ITGA1: variants seen among roughly 807,000 people sequenced by gnomAD.
ITGA1 encodes integrin alpha-1.
Under a neutral mutation model 145.9 loss-of-function variants are expected in ITGA1, and 85 were observed. That is an observed-to-expected ratio of 0.58 (90% CI 0.49 to 0.70). ITGA1 has a LOEUF of 0.70. ITGA1 is among the 30% of genes least tolerant of loss of function. The pLI is 0.00. For missense variants in ITGA1, 1,351 were observed against 1,418.7 expected, an observed-to-expected ratio of 0.95 and a Z score of 0.77; for synonymous variants, 520 against 495.3, an observed-to-expected ratio of 1.05 and a Z score of -0.66.
At chr5:52,814,411 T>C (rs1215123600) in intron 1 of ITGA1, among the ~76,000 whole-genome samples, 1 of 152,160 alleles carries the variant, frequency 6.6e-6, no homozygotes, top group Non-Finnish European at 1.5e-5. Flanking sequence ...GTGCTGGGAT[T>C]ACAGGTGTGA....
intron 17 of ITGA1, among the ~76,000 whole-genome samples, chr5:52,921,994 A>T (rs1046333786): frequency 1.3e-5 from 2 of 152,192 alleles, no homozygotes; most frequent in Admixed American, 1.3e-4. Flanking sequence ...ATCCTTTCCA[A>T]ATAATTTTAC....
chr5:52,807,676 ACT>A (rs1355083753), intron 1 of ITGA1, among the ~76,000 whole-genome samples: 1 of 152,146 alleles, frequency 6.6e-6, no homozygotes, highest in Non-Finnish European at 1.5e-5. Flanking sequence ...AAAATCAGGA[ACT>A]CAATTCTGTG....
At chr5:52,861,032 T>TA (rs1429027783) in intron 2 of ITGA1, among the ~76,000 whole-genome samples, 2 of 152,208 alleles carry the variant, frequency 1.3e-5, no homozygotes, top group Non-Finnish European at 2.9e-5. Flanking sequence ...ATGTGTTTTA[T>TA]AAGTTAATAC....
intron 23 of ITGA1, among the ~76,000 whole-genome samples, chr5:52,935,338 T>G (rs1474290434): frequency 1.3e-5 from 2 of 152,122 alleles, no homozygotes. Context: ...CTTAACAATA[T>G]TATTTATAAT....
chr5:52,856,241 T>C (rs1749509420), intron 2 of ITGA1, among the ~76,000 whole-genome samples: 1 of 152,134 alleles, frequency 6.6e-6, no homozygotes, highest in Non-Finnish European at 1.5e-5. Flanking sequence ...CATTCTCCTG[T>C]CTCCACACTT....
rs773323051 is a variant in ITGA1 at position 52,920,463 on chromosome 5, A to G, written c.2287A>G (p.Met763Val). 6.3e-7 allele frequency: 1 copy of G among 1,595,810 alleles called. No individual in the cohort carries two copies. Among genetic ancestry groups the G allele is most frequent in the South Asian group, 1.1e-5 (1 of 87,352 alleles). ...AGAATGCACTAAGCACTCCTTCTAC[A>G]TGTTGGCAAGTAAATCATATATCGT... ...KSECTKHSFY[M>V]LDKHDFQDSV... is the part of the protein sequence containing the mutation. The change falls in exon 17 of 29, where the codon ATG becomes GTG. Residue 763 changes from methionine (M) to valine (V), a missense_variant. Physicochemically the swap from Met to Val is conservative, Grantham distance 21. Coordinates refer to ENST00000282588, the MANE Select transcript of ITGA1 (RefSeq NM_181501.2).
intron 18 of ITGA1, among the ~76,000 whole-genome samples, chr5:52,923,800 TA>T (rs1420859323): frequency 6.6e-6 from 1 of 152,190 alleles, no homozygotes; most frequent in Non-Finnish European, 1.5e-5. Flanking sequence ...GGTTTAGGTA[TA>T]AAGGGTGTCC....
chr5:52,858,034 TAG>T (rs1352285089), intron 2 of ITGA1, among the ~76,000 whole-genome samples: 1 of 152,230 alleles, frequency 6.6e-6, no homozygotes, highest in Non-Finnish European at 1.5e-5. Context: ...TAAATATTTA[TAG>T]AGTTAGTCCT....
intron 7 of ITGA1, among the ~76,000 whole-genome samples, chr5:52,884,480 T>C (rs1750016481): frequency 6.6e-6 from 1 of 150,674 alleles, no homozygotes; most frequent in Non-Finnish European, 1.5e-5. Flanking sequence ...AATCTACTTG[T>C]ATAGTATGTT....
Position 52,929,679 on chromosome 5 carries a change from A to G in ITGA1, c.2749A>G (p.Thr917Ala), listed in dbSNP as rs752089810. The G allele has an allele frequency of 3.1e-6, 5 of 1,587,808 alleles. No homozygotes were observed. In the African/African-American group the frequency reaches 5.4e-5, roughly 17 times the overall value. ...FNTSYLMENV[T>A]IYLSATSDSE... ...CACATCCTATCTCATGGAAAATGTG[A>G]CCATTTATTTAAGTGCAACAAGGTT... is the stretch of plus-strand genomic sequence containing the variant. Residue 917 changes from threonine (T) to alanine (A), a missense_variant, in exon 21 of 29, where the codon ACC becomes GCC. Thr to Ala is a moderately conservative substitution (Grantham distance 58). Transcript: ENST00000282588.
chr5:52,905,955 C>G (rs745308967), intron 12 of ITGA1, 47 bp downstream of exon 12: 2 of 1,505,246 alleles, frequency 1.3e-6, no homozygotes, highest in Non-Finnish European at 9.1e-7. Flanking sequence ...TATTCATACT[C>G]TATGTATATT....
intron 26 of ITGA1, among the ~76,000 whole-genome samples, chr5:52,943,002 T>A (rs1751077357): frequency 6.6e-6 from 1 of 152,176 alleles, no homozygotes; most frequent in East Asian, 1.9e-4. Context: ...AGGTATAGGA[T>A]CATATTACCA....
At chr5:52,803,022 A>G (rs1195058448) in intron 1 of ITGA1, 1 of 152,226 alleles carries the variant, frequency 6.6e-6, no homozygotes, top group Non-Finnish European at 1.5e-5. Context: ...GCAAACCTCA[A>G]TTTAGCAAAA....
chr5:52,813,922 G>A (rs1289773367), intron 1 of ITGA1, among the ~76,000 whole-genome samples: 1 of 152,154 alleles, frequency 6.6e-6, no homozygotes, highest in Non-Finnish European at 1.5e-5. Flanking sequence ...CCATTGCATT[G>A]GTATTAGGGG....
At chr5:52,822,071 A>AT (rs1264645035) in intron 1 of ITGA1, among the ~76,000 whole-genome samples, 1 of 152,234 alleles carries the variant, frequency 6.6e-6, no homozygotes, top group African/African-American at 2.4e-5. Context: ...AAAATTGGCA[A>AT]TGGGACTATT....
intron 1 of ITGA1, among the ~76,000 whole-genome samples, chr5:52,818,887 T>C (rs780249335): frequency 2.0e-5 from 3 of 152,162 alleles, no homozygotes; most frequent in Admixed American, 6.5e-5. Context: ...TAAACACTAT[T>C]ACCTAGCTTA....
rs1349229638 is a variant in ITGA1 at position 52,955,400 on chromosome 5, T to G, written c.*2949T>G. 6.6e-6 allele frequency: 1 copy of G among 151,704 alleles called. No individual in the cohort carries two copies. Among genetic ancestry groups the G allele is most frequent in the African/African-American group, 2.4e-5 (1 of 41,230 alleles). The allele number at this position is 151,704 out of a possible 1,614,324, so 9.4% of individuals were successfully genotyped here. A position where few individuals can be genotyped will look rare whatever the true frequency, so the allele number is the denominator to read the frequency against. On this transcript the variant is annotated 3_prime_UTR_variant, in exon 29 of 29. Transcript: ENST00000282588. ...AGATAGATAGATAGATAGATATTGA[T>G]AGAGAACATGTTGTGTCTATATACA...
intron 1 of ITGA1, chr5:52,801,447 G>T (rs1374059100): frequency 6.2e-7 from 1 of 1,613,958 alleles, no homozygotes; most frequent in Non-Finnish European, 8.5e-7. Context: ...CCCTGAAAGA[G>T]GCCCTTTGTG....
Position 52,940,295 on chromosome 5 carries a change from C to G in ITGA1, c.3285+351C>G, listed in dbSNP as rs150463990. Among the ~76,000 whole-genome samples the G allele has an allele frequency of 1.7e-4, 25 of 150,842 alleles. No individual in the cohort carries two copies. The East Asian group carries it at 4.7e-3, about 28-fold the overall frequency. ...TGTACAGAGTATAATAAAGTGGCAA[C>G]CCTTGACCCCAGTAACAAAGGAAAG... On this transcript the variant is annotated intron_variant, in intron 26 of 28. Coordinates refer to ENST00000282588, the MANE Select transcript of ITGA1 (RefSeq NM_181501.2).
Sources: allele counts gnomAD v4.1 joint callset (sites outside exome capture counted in the v4.1 genomes callset), GRCh38; gene constraint gnomAD v4.1.1; transcripts MANE v1.5; gene names NCBI Gene and HGNC (gene_info 2026-07-23, HGNC 2026-07-21).